The following ADGRG6 variants were observed in gnomAD, a reference collection of about 807,000 sequenced individuals.
The protein encoded by ADGRG6 is G-protein coupled receptor 126.
A neutral mutation model predicts 142.4 loss-of-function variants in ADGRG6; 84 were observed. That is an observed-to-expected ratio of 0.59 (90% CI 0.49 to 0.71). The LOEUF (loss-of-function observed/expected upper bound fraction) is 0.71, where lower values mean the gene tolerates loss of function less well. ADGRG6 is among the 30% of genes least tolerant of loss of function. The pLI is 0.00. For synonymous variants in ADGRG6, 521 were observed against 520.5 expected (o/e 1.00, Z -0.01); for missense variants, 1,367 against 1,466.6 (o/e 0.93, Z 1.11).
intron 20 of ADGRG6, among the ~76,000 whole-genome samples, chr6:142,416,681 A>T (rs957010792): frequency 6.6e-6 from 1 of 152,154 alleles, no homozygotes; most frequent in Admixed American, 6.6e-5. Context: ...TAAGTGAGAG[A>T]TATTTTCAAG....
intron 2 of ADGRG6, among the ~76,000 whole-genome samples, chr6:142,360,284 G>C (rs923629106): frequency 1.3e-5 from 2 of 152,208 alleles, no homozygotes; most frequent in Non-Finnish European, 2.9e-5. Flanking sequence ...TATTTGCAAA[G>C]CTAGGATATG....
At chr6:142,322,820 AT>A (rs1778581915) in intron 2 of ADGRG6, among the ~76,000 whole-genome samples, 1 of 152,094 alleles carries the variant, frequency 6.6e-6, no homozygotes, top group African/African-American at 2.4e-5. Flanking sequence ...CTATAAAGTG[AT>A]TTGTCCTCAT....
At chr6:142,311,767 G>A (rs1777780540) in intron 2 of ADGRG6, among the ~76,000 whole-genome samples, 1 of 151,870 alleles carries the variant, frequency 6.6e-6, no homozygotes, top group Non-Finnish European at 1.5e-5. Context: ...GGCTCCTAGA[G>A]CCATCTCTTG....
chr6:142,330,517 C>T (rs1779000884), intron 2 of ADGRG6, among the ~76,000 whole-genome samples: 1 of 152,158 alleles, frequency 6.6e-6, no homozygotes, highest in African/African-American at 2.4e-5. Flanking sequence ...CCCTAACCCT[C>T]AATGTAATAT....
chr6:142,389,180 A>G (rs1774740453), intron 6 of ADGRG6, among the ~76,000 whole-genome samples: 1 of 151,986 alleles, frequency 6.6e-6, no homozygotes, highest in Admixed American at 6.6e-5. Context: ...TCTTACTGGA[A>G]AGACATTCCT....
chr6:142,385,859 A>G (rs1458263228), intron 6 of ADGRG6, among the ~76,000 whole-genome samples: 1 of 152,200 alleles, frequency 6.6e-6, no homozygotes, highest in Non-Finnish European at 1.5e-5. Context: ...CATTGATATA[A>G]CATTAATAAT....
At chr6:142,414,851 T>A in intron 18 of ADGRG6, 118 bp from the exon 19 acceptor site, 1 of 614,858 alleles carries the variant, frequency 1.6e-6, no homozygotes, top group Non-Finnish European at 2.6e-6. Flanking sequence ...ATTTACACTG[T>A]TGGTTTTAGC....
intron 2 of ADGRG6, among the ~76,000 whole-genome samples, chr6:142,318,049 A>T (rs1182344059): frequency 5.3e-5 from 1 of 19,022 alleles, no homozygotes; most frequent in Non-Finnish European, 8.9e-5. Context: ...TATTTATGTT[A>T]TATATATTTA....
intron 2 of ADGRG6, among the ~76,000 whole-genome samples, chr6:142,318,632 A>G (rs1156584250): frequency 6.6e-6 from 1 of 151,408 alleles, no homozygotes; most frequent in Non-Finnish European, 1.5e-5. Context: ...TCTCATGGAT[A>G]GATAATGTTA....
At chr6:142,404,473 C>T (rs1698865680) in intron 14 of ADGRG6, among the ~76,000 whole-genome samples, 1 of 151,768 alleles carries the variant, frequency 6.6e-6, no homozygotes, top group African/African-American at 2.4e-5. Flanking sequence ...AACCCTGTTT[C>T]TACTAAAAAT....
chr6:142,367,787 A>G lies in ADGRG6; in HGVS notation c.322A>G (p.Thr108Ala). The G allele has an allele frequency of 1.9e-6, 3 of 1,613,802 alleles. No individual in the cohort carries two copies. The highest frequency in any genetic ancestry group is 2.5e-6 in the Non-Finnish European group (3 of 1,179,698). The change falls in exon 3 of 25, where the codon ACT becomes GCT. Residue 108 changes from threonine to alanine, a missense_variant. By Grantham distance (58) the Thr-to-Ala change is moderately conservative. Coordinates refer to ENST00000367609, the MANE Select transcript of ADGRG6 (RefSeq NM_198569.3). ...ATCCCTTGATAATGGAGAGAGCCAG[A>G]CTAAATTTTGTGGAGCAACTGCCAA... ...SLSLDNGESQ[T>A]KFCGATAKGL... is the part of the protein sequence containing the mutation.
intron 9 of ADGRG6, among the ~76,000 whole-genome samples, chr6:142,394,188 A>G (rs1006307875): frequency 6.6e-6 from 1 of 152,176 alleles, no homozygotes; most frequent in African/African-American, 2.4e-5. Context: ...GGGCATTTAA[A>G]ATGGATGGAT....
At chr6:142,402,254 TAGTA>T (rs938787896) in intron 12 of ADGRG6, among the ~76,000 whole-genome samples, 196 bp downstream of exon 12, 3 of 152,166 alleles carry the variant, frequency 2.0e-5, no homozygotes, top group East Asian at 1.9e-4. Context: ...GGATTAAAAA[TAGTA>T]AGGAAAATCT....
At chr6:142,321,959 C>A (rs113515940) in intron 2 of ADGRG6, among the ~76,000 whole-genome samples, 1 of 152,092 alleles carries the variant, frequency 6.6e-6, no homozygotes, top group South Asian at 2.1e-4. Flanking sequence ...TCGAGAATTA[C>A]GTGCTAGCTT....
At chr6:142,372,293 A>G (rs1328782018) in intron 4 of ADGRG6, among the ~76,000 whole-genome samples, 2 of 152,380 alleles carry the variant, frequency 1.3e-5, no homozygotes, top group East Asian at 3.9e-4. Flanking sequence ...TATACATTTT[A>G]GTCACAGACA....
chr6:142,376,642 A>G (rs1781517770), intron 4 of ADGRG6, among the ~76,000 whole-genome samples: 1 of 152,190 alleles, frequency 6.6e-6, no homozygotes, highest in Non-Finnish European at 1.5e-5. Flanking sequence ...TGAATGTAAT[A>G]TTTTTAGATT....
At chr6:142,367,180 TAG>T (rs1396097410) in intron 2 of ADGRG6, among the ~76,000 whole-genome samples, 1 of 152,072 alleles carries the variant, frequency 6.6e-6, no homozygotes, top group Non-Finnish European at 1.5e-5. Flanking sequence ...CCCTCTAGAG[TAG>T]AGATTCTTAA....
chr6:142,396,125 G>C (rs1383740068), intron 9 of ADGRG6, among the ~76,000 whole-genome samples: 1 of 152,154 alleles, frequency 6.6e-6, no homozygotes, highest in Non-Finnish European at 1.5e-5. Context: ...AATACTTTGG[G>C]CTAATTATGT....
At chr6:142,328,622 T>G (rs1024087165) in intron 2 of ADGRG6, among the ~76,000 whole-genome samples, 10 of 152,196 alleles carry the variant, frequency 6.6e-5, no homozygotes, top group African/African-American at 2.4e-4. Context: ...ATGTTTCAAT[T>G]ATAAGTATTG....
Sources: allele counts gnomAD v4.1 joint callset (sites outside exome capture counted in the v4.1 genomes callset), GRCh38; gene constraint gnomAD v4.1.1; transcripts MANE v1.5; gene names NCBI Gene and HGNC (gene_info 2026-07-23, HGNC 2026-07-21).